XYLB: variants seen among roughly 807,000 people sequenced by gnomAD.
XYLB encodes the protein xylulokinase, also known as xylulose kinase.
A neutral mutation model predicts 78.7 loss-of-function variants in XYLB; 62 were observed. The ratio of observed to expected loss-of-function variants is 0.79; its 90% CI spans 0.64 to 0.97. XYLB has a LOEUF of 0.97. Among genes scored for constraint, XYLB ranks in the 50% least tolerant of loss-of-function variants. The pLI, the probability that XYLB is intolerant of heterozygous loss-of-function variation, is 0.00. For missense variants in XYLB, 687 were observed against 676.8 expected (o/e 1.02, Z -0.17); for synonymous variants, 245 against 247.4 (o/e 0.99, Z 0.09).
At chr3:38,370,310 C>A in intron 9 of XYLB, 136 bp downstream of exon 9, 1 of 658,282 alleles carries the variant, frequency 1.5e-6, no homozygotes. Context: ...CAGGCATACA[C>A]ATGCAGGGTC....
At chr3:38,421,024 G>A (rs190891611), downstream of XYLB, among the ~76,000 whole-genome samples, 17 of 152,336 alleles carry the variant, frequency 1.1e-4, no homozygotes, top group East Asian at 7.7e-4. Context: ...TCTGCTCCTC[G>A]CTGAGATTGC....
At chr3:38,441,851 A>C in the XYLB span, among the ~76,000 whole-genome samples, 1 of 152,310 alleles carries the variant, frequency 6.6e-6, no homozygotes, top group South Asian at 2.1e-4. Context: ...CACGAGTCTG[A>C]GTAAGGACTC....
chr3:38,432,504 T>C, the XYLB span, among the ~76,000 whole-genome samples: 1 of 152,070 alleles, frequency 6.6e-6, no homozygotes, highest in African/African-American at 2.4e-5. Flanking sequence ...GAGGCAGAGA[T>C]TGCAGTGAGC....
At chr3:38,381,724 T>C (rs1296371398) in intron 15 of XYLB, among the ~76,000 whole-genome samples, 1 of 152,182 alleles carries the variant, frequency 6.6e-6, no homozygotes, top group Non-Finnish European at 1.5e-5. Flanking sequence ...CCAGGCTTAT[T>C]AGGAAGAGGA....
At chr3:38,402,167 G>A (rs765703638) in intron 18 of XYLB, among the ~76,000 whole-genome samples, 3 of 152,060 alleles carry the variant, frequency 2.0e-5, no homozygotes, top group South Asian at 2.1e-4. Flanking sequence ...AAATGATCCC[G>A]AGCATAGAAA....
intron 17 of XYLB, among the ~76,000 whole-genome samples, chr3:38,399,851 G>T (rs1328917577): frequency 6.6e-6 from 1 of 152,192 alleles, no homozygotes; most frequent in Non-Finnish European, 1.5e-5. Context: ...TTCATTTGGA[G>T]ATATCTTCTC....
chr3:38,355,759 A>T lies in XYLB; in HGVS notation c.141-4580A>T, dbSNP rs759493167. On this transcript the variant is annotated intron_variant, in intron 2 of 18. Coordinates refer to ENST00000207870, the MANE Select transcript of XYLB (RefSeq NM_005108.4). ...GTGTCCAGAGCAACCTTGGAAGCAC[A>T]TGTGGAACATGACAGAGCCACCATC... is the stretch of plus-strand genomic sequence containing the variant. 23 of 703,668 alleles carry T rather than the reference A, an allele frequency of 3.3e-5. No individual in the cohort carries two copies. In the South Asian group the frequency reaches 3.4e-4, roughly 10 times the overall value. 43.6% of individuals were successfully genotyped at this position (703,668 alleles called of 1,614,324 possible).
intron 17 of XYLB, among the ~76,000 whole-genome samples, chr3:38,399,711 T>C (rs1277167764): frequency 6.6e-6 from 1 of 152,156 alleles, no homozygotes; most frequent in Non-Finnish European, 1.5e-5. Context: ...GCACTGTGTT[T>C]TGTTTTATTC....
At chr3:38,359,463 C>T (rs1190840518) in intron 2 of XYLB, among the ~76,000 whole-genome samples, 1 of 152,206 alleles carries the variant, frequency 6.6e-6, no homozygotes, top group Non-Finnish European at 1.5e-5. Flanking sequence ...GGCCTGTTCC[C>T]AGCACCCACT....
In XYLB at chr3:38,412,990, C is replaced by T. The variant is rs1708658776; in HGVS notation, c.1588C>T (p.Gln530Ter). The change falls in exon 19 of 19, where the codon CAG becomes TAG. Residue 530 changes from glutamine to a stop codon, truncating the protein, a stop_gained. Coordinates refer to ENST00000207870, the MANE Select transcript of XYLB (RefSeq NM_005108.4). LOFTEE classifies it high-confidence loss of function. ...CAAACTCGAGCAGAGAATCTTGTCT[C>T]AGACCCGGGGGCCTCCGGAGTGAAC... ...YAKLEQRILSQTRGPPE is the reference protein window; with the variant it reads ...YAKLEQRILS 4 of 1,604,578 alleles carry T rather than the reference C, an allele frequency of 2.5e-6. No homozygotes were observed. In the East Asian group the frequency reaches 9.1e-5, roughly 36 times the overall value.
At chr3:38,439,887 T>G in the XYLB span, among the ~76,000 whole-genome samples, 1 of 152,168 alleles carries the variant, frequency 6.6e-6, no homozygotes, top group Non-Finnish European at 1.5e-5. Context: ...CCTAAGAAGG[T>G]GCAGAGTCCT....
intron 7 of XYLB, 94 bp downstream of exon 7, chr3:38,366,967 C>A: frequency 1.2e-6 from 1 of 842,582 alleles, no homozygotes. Context: ...TGACTGAAAA[C>A]ATTGATAAGC....
intron 8 of XYLB, among the ~76,000 whole-genome samples, chr3:38,368,517 G>A (rs758527543): frequency 2.6e-5 from 4 of 152,212 alleles, no homozygotes; most frequent in Non-Finnish European, 4.4e-5. Flanking sequence ...GGAGGTACTG[G>A]TTCGGGATCT....
At chr3:38,446,505 C>T in the XYLB span, among the ~76,000 whole-genome samples, 5 of 152,174 alleles carry the variant, frequency 3.3e-5, no homozygotes, top group Admixed American at 3.3e-4. Context: ...ATCACATTAC[C>T]TTACTTCAAA....
At chr3:38,407,502 C>A in intron 18 of XYLB, among the ~76,000 whole-genome samples, 1 of 151,782 alleles carries the variant, frequency 6.6e-6, no homozygotes, top group East Asian at 1.9e-4. Context: ...CAGCTAACAT[C>A]ATAATGACAG....
intron 12 of XYLB, 25 bp downstream of exon 12, chr3:38,375,284 C>T (rs1223309356): frequency 6.2e-7 from 1 of 1,603,888 alleles, no homozygotes; most frequent in East Asian, 2.2e-5. Context: ...TGGTTGGCAC[C>T]ATTCCCTGGG....
At chr3:38,366,123 A>AT (rs1163225870) in intron 6 of XYLB, among the ~76,000 whole-genome samples, 2 of 151,766 alleles carry the variant, frequency 1.3e-5, no homozygotes, top group Non-Finnish European at 2.9e-5. Flanking sequence ...AAAAAAAAAA[A>AT]AAAGGAAAAA....
At chr3:38,376,854 G>T in intron 13 of XYLB, 64 bp from the exon 14 acceptor site, 1 of 1,460,110 alleles carries the variant, frequency 6.8e-7, no homozygotes, top group Non-Finnish European at 9.6e-7. Context: ...TTCTAAGTCT[G>T]TTAAGAAGCT....
the XYLB span, among the ~76,000 whole-genome samples, chr3:38,433,045 C>T: frequency 6.6e-6 from 1 of 152,242 alleles, no homozygotes; most frequent in Admixed American, 6.5e-5. Flanking sequence ...GGCTCCGTCC[C>T]CCAGCAAACT....
Sources: gnomAD v4.1 joint callset for allele counts (sites outside exome capture counted in the v4.1 genomes callset) on GRCh38, gnomAD v4.1.1 for gene constraint, MANE v1.5 for transcripts, NCBI Gene and HGNC (gene_info 2026-07-23, HGNC 2026-07-21) for gene names.